The following C11orf21 variants were observed in gnomAD, a reference collection of about 807,000 sequenced individuals.
C11orf21 encodes uncharacterized protein C11orf21.
In C11orf21, 19 loss-of-function variants were observed where a neutral mutation model predicts 15.2. That is an observed-to-expected ratio of 1.25 (90% confidence interval 0.87 to 1.84). The LOEUF is 1.84. C11orf21 is among the 40% of genes most tolerant of loss of function. The probability of loss-of-function intolerance (pLI) is 0.00; values close to 1 mark genes in which losing one functional copy is unlikely to be tolerated. For synonymous variants in C11orf21, 62 were observed against 66.8 expected, an observed-to-expected ratio of 0.93 and a Z score of 0.35; for missense variants, 171 against 174.4, an observed-to-expected ratio of 0.98 and a Z score of 0.11.
chr11:2,299,820 A>G (rs12279902), intron 2 of C11orf21, 113 bp from the exon 3 acceptor site: 692 of 615,608 alleles, frequency 1.1e-3, no homozygotes, highest in Middle Eastern at 2.1e-3. Context: ...GCATGCACAC[A>G]CATCCACGTC....
intron 2 of C11orf21, 63 bp from the exon 3 acceptor site, chr11:2,299,770 G>T: frequency 6.5e-7 from 1 of 1,540,122 alleles, no homozygotes; most frequent in Non-Finnish European, 8.8e-7. Flanking sequence ...TCACAGGAAG[G>T]AGAGAGGAAA....
In C11orf21 at chr11:2,300,599, C is replaced by T. The variant is rs74048215; in HGVS notation, c.68G>A (p.Trp23Ter). 4,243 of 1,550,288 alleles carry T rather than the reference C, an allele frequency of 2.7e-3. 108 individuals are homozygous for T. The African/African-American group carries it at 0.05, about 18-fold the overall frequency. The change falls in exon 2 of 4, where the codon TGG (tryptophan) becomes TAG (stop). Residue 23 changes from tryptophan to a stop codon, truncating the protein, a stop_gained. Coordinates refer to ENST00000381153, the MANE Select transcript of C11orf21 (RefSeq NM_001329958.2). LOFTEE classifies it high-confidence loss of function. ...GCCACTTTGAGATGACAAGTGAGGC[C>T]ACCTGGGCACAGCGCTGGTGTGAGA... ...RPGRRSAVPR[W>*]PHLSSQSGVE...
Position 2,299,475 on chromosome 11 carries a change from C to A in C11orf21, c.380G>T (p.Trp127Leu). The A allele has an allele frequency of 6.5e-7, 1 of 1,550,274 alleles. No homozygotes were observed. The highest frequency in any genetic ancestry group is 8.7e-7 in the Non-Finnish European group (1 of 1,146,902). Residue 127 changes from tryptophan to leucine, a missense_variant, in exon 3 of 4, where the codon TGG becomes TTG. Trp to Leu is a moderately conservative substitution (Grantham distance 61, BLOSUM62 -2). Coordinates refer to ENST00000381153, the MANE Select transcript of C11orf21 (RefSeq NM_001329958.2). Reference sequence around the variant, plus strand: ...CCTGTCTCAGGAAGGTAGAGGCTGCCACCTCCTGGCCCGAGGACACAGCTT... The same window carrying A: ...CCTGTCTCAGGAAGGTAGAGGCTGCAACCTCCTGGCCCGAGGACACAGCTT... ...SGKLCPRARR[W>L]QPLPS
chr11:2,299,834 A>G (rs905262515), intron 2 of C11orf21, 127 bp from the exon 3 acceptor site: 55 of 483,784 alleles, frequency 1.1e-4, no homozygotes, highest in Non-Finnish European at 1.9e-4. Context: ...CCACGTCTGC[A>G]CACGCATCCA....
chr11:2,298,064 A>G (rs975671856), intron 3 of C11orf21, 143 bp from the exon 4 acceptor site: 1 of 152,180 alleles, frequency 6.6e-6, no homozygotes, highest in African/African-American at 2.4e-5. Flanking sequence ...TCCTAACACT[A>G]TCTCATTGCG....
chr11:2,301,271 G>A (rs894936487), intron 1 of C11orf21: 3 of 201,416 alleles, frequency 1.5e-5, no homozygotes, highest in African/African-American at 2.4e-5. Flanking sequence ...TTCCAGCACC[G>A]AGGGGCGAGC....
upstream of C11orf21, chr11:2,302,078 C>A (rs1452077256): frequency 3.4e-5 from 50 of 1,488,678 alleles, no homozygotes; most frequent in Non-Finnish European, 4.2e-5. Context: ...GAGCTGCGGT[C>A]TGAGGCCCCT....
intron 3 of C11orf21, among the ~76,000 whole-genome samples, chr11:2,298,567 C>CG (rs1167494884): frequency 6.6e-6 from 1 of 151,866 alleles, no homozygotes; most frequent in Non-Finnish European, 1.5e-5. Context: ...TGCCCAGGCC[C>CG]GGGGGGTCAC....
Position 2,300,700 on chromosome 11 carries a change from C to G in C11orf21, c.54-87G>C, listed in dbSNP as rs1217750240. On this transcript the variant is annotated intron_variant, in intron 1 of 3. Coordinates refer to ENST00000381153, the MANE Select transcript of C11orf21 (RefSeq NM_001329958.2). ...TCTTCAGACCTGATGAAGAGGTGTC[C>G]CAGAAGCGGGTGGTGCTCCAGGCCC... 1.9e-6 allele frequency: 3 copies of G among 1,550,144 alleles called. No individual in the cohort carries two copies. In the African/African-American group the frequency reaches 4.1e-5, roughly 21 times the overall value.
In C11orf21 at chr11:2,296,821, TA is replaced by T. The variant is rs1216921787; in HGVS notation, c.*1128del. On this transcript the variant is annotated 3_prime_UTR_variant, in exon 4 of 4. Transcript: ENST00000381153. The surrounding 1 kb of genome is among the most constrained non-coding windows in gnomAD (Gnocchi z 5.6). The stretch of plus-strand genomic sequence containing the variant: ...CCCACTGGGCTGTGCCCTGCCTCCT[TA>T]AAGACTGTGAGCGAGCTCCCAACTG... 2.0e-5 allele frequency: 3 copies of T among 152,296 alleles called. No homozygotes were observed. Among genetic ancestry groups the T allele is most frequent in the Admixed American group, 6.5e-5 (1 of 15,288 alleles). The allele number at this position is 152,296 out of a possible 1,614,324, so 9.4% of individuals were successfully genotyped here.
chr11:2,299,305 G>T lies in C11orf21; in HGVS notation c.*28+123C>A, dbSNP rs566714848. 7.0e-5 allele frequency: 76 copies of T among 1,091,130 alleles called. No individual in the cohort carries two copies. The Middle Eastern group carries it at 2.1e-3, about 31-fold the overall frequency. 67.6% of individuals were successfully genotyped at this position (1,091,130 alleles called of 1,614,324 possible). On this transcript the variant is annotated intron_variant, in intron 3 of 3. Coordinates refer to ENST00000381153, the MANE Select transcript of C11orf21 (RefSeq NM_001329958.2). Reference sequence around the variant, plus strand: ...GCGTGGCCCCCACAGGTCTCTTCAAGCTCCAGGCCCCACTCGCTGTGACGC... The same window carrying T: ...GCGTGGCCCCCACAGGTCTCTTCAATCTCCAGGCCCCACTCGCTGTGACGC...
chr11:2,302,928 A>G, upstream of C11orf21: 1 of 1,613,630 alleles, frequency 6.2e-7, no homozygotes, highest in South Asian at 1.1e-5. Flanking sequence ...GTCCCTGGAG[A>G]AGAACCCGTA....
rs1668021679 is a variant in C11orf21 at position 2,300,628 on chromosome 11, A to AG, written c.54-16dup. The AG allele has an allele frequency of 6.4e-7, 1 of 1,550,560 alleles. No individual in the cohort carries two copies. Among genetic ancestry groups the AG allele is most frequent in the Admixed American group, 2.0e-5 (1 of 50,948 alleles). ...TGGGCACAGCGCTGGTGTGAGAAGG[A>AG]GGCCATCAGGACAGGTCAAGAACCC... On this transcript the variant is annotated splice_polypyrimidine_tract_variant and intron_variant, in intron 1 of 3. Coordinates refer to ENST00000381153, the MANE Select transcript of C11orf21 (RefSeq NM_001329958.2).
At chr11:2,301,371 C>G (rs1847734911) in intron 1 of C11orf21, 3 of 208,608 alleles carry the variant, frequency 1.4e-5, no homozygotes, top group South Asian at 8.2e-5. Context: ...TCAGGCCCAC[C>G]CTGCCCCAGA....
chr11:2,302,020 T>C, upstream of C11orf21: 1 of 1,494,570 alleles, frequency 6.7e-7, no homozygotes, highest in Non-Finnish European at 8.9e-7. Context: ...CCTAGGGCGA[T>C]GTTGACAGAC....
At chr11:2,299,819 C>A in intron 2 of C11orf21, 112 bp from the exon 3 acceptor site, 1 of 628,590 alleles carries the variant, frequency 1.6e-6, no homozygotes, top group Non-Finnish European at 2.5e-6. Flanking sequence ...TGCATGCACA[C>A]ACATCCACGT....
intron 2 of C11orf21, 57 bp downstream of exon 2, chr11:2,300,463 T>A (rs79719714): frequency 0.013 from 14,986 of 1,123,228 alleles, 209 homozygotes; most frequent in South Asian, 0.045. Flanking sequence ...GGCGTGGGGG[T>A]TCCACCGGCT....
In C11orf21 at chr11:2,296,906, G is replaced by C. The variant is rs140177712; in HGVS notation, c.*1044C>G. 2.0e-5 allele frequency: 3 copies of C among 152,472 alleles called. No homozygotes were observed. Among genetic ancestry groups the C allele is most frequent in the Non-Finnish European group, 4.4e-5 (3 of 68,116 alleles). 9.4% of individuals were successfully genotyped at this position (152,472 alleles called of 1,614,324 possible). On this transcript the variant is annotated 3_prime_UTR_variant, in exon 4 of 4. Coordinates refer to ENST00000381153, the MANE Select transcript of C11orf21 (RefSeq NM_001329958.2). The surrounding 1 kb of genome is among the most constrained non-coding windows in gnomAD (Gnocchi z 5.6). ...TGCCCTGGCCCTGATGCTGGTGTTT[G>C]AGATATCAGAACTCACCTCAAACCA...
intron 3 of C11orf21, 22 bp downstream of exon 3, chr11:2,299,406 G>C (rs1308401167): frequency 1.3e-6 from 2 of 1,540,954 alleles, no homozygotes; most frequent in Non-Finnish European, 1.8e-6. Flanking sequence ...CCAGGCTCCA[G>C]CCTCAGAGCC....
Sources: gnomAD v4.1 joint callset for allele counts (sites outside exome capture counted in the v4.1 genomes callset) on GRCh38, gnomAD v4.1.1 for gene constraint, Gnocchi (gnomAD v3.1) non-coding constraint, MANE v1.5 for transcripts, NCBI Gene and HGNC (gene_info 2026-07-23, HGNC 2026-07-21) for gene names.